The following EML6 variants were observed in gnomAD, a reference collection of about 807,000 sequenced individuals.
EML6 encodes the protein echinoderm microtubule-associated protein-like 6.
Under a neutral mutation model 240.1 loss-of-function variants are expected in EML6, and 154 were observed. The ratio of observed to expected loss-of-function variants is 0.64; its 90% CI spans 0.56 to 0.73. The LOEUF (loss-of-function observed/expected upper bound fraction) is 0.73. Ranked by LOEUF, EML6 falls within the 30% of genes least tolerant of loss-of-function variation. The probability of loss-of-function intolerance (pLI) is 0.00; values close to 1 mark genes in which losing one functional copy is unlikely to be tolerated. For synonymous variants in EML6, 1,148 were observed against 899.0 expected (o/e 1.28, Z -4.95); for missense variants, 2,964 against 2,474.6 (o/e 1.20, Z -4.20).
intron 28 of EML6, among the ~76,000 whole-genome samples, chr2:54,939,442 C>T (rs943334936): frequency 1.3e-5 from 2 of 152,216 alleles, no homozygotes; most frequent in Admixed American, 6.5e-5. Flanking sequence ...GTCATACTTG[C>T]TGTAAGTTTA....
intron 28 of EML6, among the ~76,000 whole-genome samples, chr2:54,932,384 A>G (rs1375492213): frequency 6.6e-6 from 1 of 151,816 alleles, no homozygotes; most frequent in African/African-American, 2.4e-5. Flanking sequence ...CCATGCTTTC[A>G]CTCCTTATCT....
chr2:54,919,247 C>CG (rs1056840671), intron 26 of EML6, among the ~76,000 whole-genome samples: 1 of 143,230 alleles, frequency 7.0e-6, no homozygotes, highest in Admixed American at 6.9e-5. Flanking sequence ...TTGCTTCCCC[C>CG]CCCCCCCAAT....
chr2:54,856,804 C>G (rs1210958500), intron 11 of EML6, among the ~76,000 whole-genome samples: 1 of 152,246 alleles, frequency 6.6e-6, no homozygotes, highest in Admixed American at 6.5e-5. Context: ...AGTGATGTGA[C>G]CAATCCAAGC....
At chr2:54,964,865 A>G in intron 38 of EML6, 132 bp downstream of exon 38, 1 of 740,380 alleles carries the variant, frequency 1.4e-6, no homozygotes. Flanking sequence ...CTCCTTAAGT[A>G]GTTACTTTTT....
At chr2:54,765,533 T>C (rs1458122788) in intron 2 of EML6, among the ~76,000 whole-genome samples, 1 of 152,214 alleles carries the variant, frequency 6.6e-6, no homozygotes, top group Admixed American at 6.5e-5. Flanking sequence ...CGATCTCGGC[T>C]CACTGCAAGC....
At chr2:54,807,078 C>A (rs975354573) in intron 2 of EML6, among the ~76,000 whole-genome samples, 3 of 152,098 alleles carry the variant, frequency 2.0e-5, no homozygotes, top group Admixed American at 6.5e-5. Flanking sequence ...TCCACATGGC[C>A]AATCAATTCT....
At position 54,817,483 on chromosome 2, in the gene EML6, G is replaced by A. The variant is rs572128835; in HGVS notation, c.456+598G>A. 1.9e-4 allele frequency among the ~76,000 whole-genome samples: 29 copies of A among 152,226 alleles called. 1 individual carries two copies. Among genetic ancestry groups the A allele is most frequent in the African/African-American group, 6.7e-4 (28 of 41,548 alleles). ...TATTATCTTGGTTTCTCTAAACAATGAATTTGCATGACTGTCTTACTTGAA... is the reference window on the plus strand; with the variant it reads ...TATTATCTTGGTTTCTCTAAACAATAAATTTGCATGACTGTCTTACTTGAA... On this transcript the variant is annotated intron_variant, in intron 4 of 41. Coordinates refer to ENST00000356458, the MANE Select transcript of EML6 (RefSeq NM_001039753.4).
In EML6 at chr2:54,970,420, G is replaced by A. The variant is rs915137622; in HGVS notation, c.*325G>A. 1.5e-5 allele frequency: 5 copies of A among 323,674 alleles called. No individual in the cohort carries two copies. In the South Asian group the frequency reaches 2.1e-4, roughly 14 times the overall value. 20.1% of individuals were successfully genotyped at this position (323,674 alleles called of 1,614,324 possible). ...GCCCGCTGACGAATTTTGAAGCCTC[G>A]GTTACCCTAACCAATATGTAGCTTT... On this transcript the variant is annotated 3_prime_UTR_variant, in exon 42 of 42. Transcript: ENST00000356458.
chr2:54,871,650 G>A (rs992356279), intron 16 of EML6, 45 bp downstream of exon 16: 3 of 1,337,092 alleles, frequency 2.2e-6, no homozygotes, highest in Non-Finnish European at 3.2e-6. Flanking sequence ...TTGAGAGAGA[G>A]AGAGACACAG....
chr2:54,816,674 G>A (rs1668095182), intron 3 of EML6, 113 bp from the exon 4 acceptor site: 11 of 786,568 alleles, frequency 1.4e-5, no homozygotes, highest in South Asian at 6.8e-5. Flanking sequence ...TTGAGAAATC[G>A]GTTTGTTATA....
At chr2:54,821,430 C>T (rs1180035784) in intron 5 of EML6, among the ~76,000 whole-genome samples, 1 of 152,108 alleles carries the variant, frequency 6.6e-6, no homozygotes, top group African/African-American at 2.4e-5. Flanking sequence ...TGATTCTGGA[C>T]ACGTCTAAAA....
In EML6 at chr2:54,774,351, T is replaced by C. The variant is rs1394133255; in HGVS notation, c.198-38881T>C. On this transcript the variant is annotated intron_variant, in intron 2 of 41. Transcript: ENST00000356458. The surrounding 1 kb of genome is among the most constrained non-coding windows in gnomAD (Gnocchi z 4.1). The stretch of plus-strand genomic sequence containing the variant: ...ATGGTCAGGCCTTTATGTTCCTACA[T>C]TGATCAGTCATTAGGTACAGGCCAT... Among the ~76,000 whole-genome samples, 5 of 152,138 alleles carry C rather than the reference T, an allele frequency of 3.3e-5. No homozygotes were observed. Among genetic ancestry groups the C allele is most frequent in the Admixed American group, 1.3e-4 (2 of 15,274 alleles).
intron 2 of EML6, among the ~76,000 whole-genome samples, chr2:54,806,375 G>A (rs1343059953): frequency 6.6e-6 from 1 of 152,080 alleles, no homozygotes; most frequent in African/African-American, 2.4e-5. Context: ...CATTTTGGGA[G>A]GCTGAGGTCG....
chr2:54,852,098 T>G (rs1055021588), intron 10 of EML6, among the ~76,000 whole-genome samples: 13 of 152,246 alleles, frequency 8.5e-5, no homozygotes, highest in South Asian at 6.2e-4. Context: ...ATAGTCCTTA[T>G]TTACTTGGAT....
intron 28 of EML6, among the ~76,000 whole-genome samples, chr2:54,929,713 TCCTCCTCC>T (rs1558697393): frequency 2.4e-4 from 37 of 151,974 alleles, no homozygotes; most frequent in Non-Finnish European, 5.0e-4. Context: ...CTCCTCCTCC[TCCTCCTCC>T]TCCTCCTGCT....
chr2:54,785,508 C>T (rs1179657744), intron 2 of EML6, among the ~76,000 whole-genome samples: 1 of 152,114 alleles, frequency 6.6e-6, no homozygotes, highest in African/African-American at 2.4e-5. Context: ...GGGATACTCA[C>T]AACACTTAAG....
intron 12 of EML6, among the ~76,000 whole-genome samples, chr2:54,862,282 G>A (rs1670714463): frequency 7.0e-6 from 1 of 142,650 alleles, no homozygotes; most frequent in South Asian, 2.3e-4. Flanking sequence ...AGGTTGCAGT[G>A]AGCCACGATT....
chr2:54,947,687 C>T (rs1675758263), intron 28 of EML6, among the ~76,000 whole-genome samples: 1 of 152,198 alleles, frequency 6.6e-6, no homozygotes, highest in Admixed American at 6.5e-5. Flanking sequence ...ACACTCTAAG[C>T]AGAGTCCCCG....
rs1039562224 is a variant in EML6 at position 54,813,512 on chromosome 2, C to G, written c.357+121C>G. On this transcript the variant is annotated intron_variant, in intron 3 of 41. Transcript: ENST00000356458. ...CTTGCTGGTTCTTCTGGCACAGCCT[C>G]CTAGAATTTTTCACCTGTTTTTTCC... The G allele has an allele frequency of 1.3e-5, 11 of 857,592 alleles. No individual in the cohort carries two copies. The African/African-American group carries it at 1.4e-4, about 11-fold the overall frequency. The allele number at this position is 857,592 out of a possible 1,614,324, so 53.1% of individuals were successfully genotyped here. A position where few individuals can be genotyped will look rare whatever the true frequency, so the allele number is the denominator to read the frequency against.
Sources: gnomAD v4.1 joint callset for allele counts (sites outside exome capture counted in the v4.1 genomes callset) on GRCh38, gnomAD v4.1.1 for gene constraint, Gnocchi (gnomAD v3.1) non-coding constraint, MANE v1.5 for transcripts, NCBI Gene and HGNC (gene_info 2026-07-23, HGNC 2026-07-21) for gene names.